CNTNAP1: variants seen among roughly 807,000 people sequenced by gnomAD.
CNTNAP1 encodes the protein contactin-associated protein 1.
A neutral mutation model predicts 161.5 loss-of-function variants in CNTNAP1; 80 were observed. That is an observed-to-expected ratio of 0.50 (90% CI 0.41 to 0.60). The LOEUF (loss-of-function observed/expected upper bound fraction) is 0.60, where lower values mean the gene tolerates loss of function less well. CNTNAP1 is among the 20% of genes least tolerant of loss of function. The pLI is 0.00. For missense variants in CNTNAP1, 1,464 were observed against 1,854.8 expected (o/e 0.79, Z 3.87); for synonymous variants, 695 against 733.1 (o/e 0.95, Z 0.84).
At position 42,691,800 on chromosome 17, in the gene CNTNAP1, T is replaced by C. The variant is rs762638505; in HGVS notation, c.2345-6T>C. The C allele has an allele frequency of 1.2e-6, 2 of 1,613,684 alleles. No individual in the cohort carries two copies. The highest frequency in any genetic ancestry group is 1.7e-6 in the Non-Finnish European group (2 of 1,179,726). ...TGACAAGACCTTCCTCCATCTGCTTTTCTAGGAAATTCCTGGAACACCATT... is the reference window on the plus strand; with the variant it reads ...TGACAAGACCTTCCTCCATCTGCTTCTCTAGGAAATTCCTGGAACACCATT... On this transcript the variant is annotated splice_polypyrimidine_tract_variant and splice_region_variant and intron_variant, in intron 15 of 23. Coordinates refer to ENST00000264638, the MANE Select transcript of CNTNAP1 (RefSeq NM_003632.3). The surrounding 1 kb of genome is among the most constrained non-coding windows in gnomAD (Gnocchi z 4.3).
At chr17:42,690,417 G>A (rs190628661) in intron 12 of CNTNAP1, among the ~76,000 whole-genome samples, 53 of 151,978 alleles carry the variant, frequency 3.5e-4, no homozygotes, top group African/African-American at 1.2e-3. Flanking sequence ...GAAGCTACTC[G>A]GGAGGTTGAG....
Position 42,697,910 on chromosome 17 carries a change from C to G in CNTNAP1, c.3822C>G (p.Pro1274=). 6.2e-7 allele frequency: 1 copy of G among 1,614,160 alleles called. No individual in the cohort carries two copies. The highest frequency in any genetic ancestry group is 8.5e-7 in the Non-Finnish European group (1 of 1,180,026). ...LDPWYLPPDF[P]YYHDEGWVAI... ...GTGCTTTCTCCTCTCCAGACTTCCC[C>G]TACTACCATGATGAAGGATGGGTTG... Residue 1274 remains proline (P), a synonymous_variant, in exon 23 of 24, where the codon CCC becomes CCG. Coordinates refer to ENST00000264638, the MANE Select transcript of CNTNAP1 (RefSeq NM_003632.3).
Position 42,685,319 on chromosome 17 carries a change from C to T in CNTNAP1, c.614C>T (p.Thr205Ile). Residue 205 changes from threonine to isoleucine, a missense_variant, in exon 5 of 24, where the codon ACC becomes ATC. Physicochemically the swap from Thr to Ile is moderately conservative, Grantham distance 89. Transcript: ENST00000264638. The surrounding 1 kb of genome is among the most constrained non-coding windows in gnomAD (Gnocchi z 5.0). ...LWDVFAFSFKTEEKDGLLLHA... is the reference protein window; with the variant it reads ...LWDVFAFSFKIEEKDGLLLHA... ...GACGTGTTCGCCTTCAGCTTCAAGA[C>T]CGAGGAGAAGGACGGTCTTCTGCTG... 1.2e-6 allele frequency: 2 copies of T among 1,612,774 alleles called. No homozygotes were observed. Among genetic ancestry groups the T allele is most frequent in the Non-Finnish European group, 1.7e-6 (2 of 1,180,020 alleles).
intron 11 of CNTNAP1, 24 bp downstream of exon 11, chr17:42,689,651 G>GT (rs1203050404): frequency 1.5e-5 from 24 of 1,591,798 alleles, no homozygotes; most frequent in Non-Finnish European, 2.1e-5. Context: ...GGTATGGGGG[G>GT]AGTCAGGGAC....
intron 18 of CNTNAP1, 30 bp from the exon 19 acceptor site, chr17:42,695,491 G>A: frequency 6.5e-7 from 1 of 1,547,198 alleles, no homozygotes. Context: ...AGCAGTGTGG[G>A]GGCCCTAACC....
rs1488627022 is a variant in CNTNAP1 at position 42,686,980 on chromosome 17, C to T, written c.978C>T (p.Asn326=). The T allele has an allele frequency of 6.2e-7, 1 of 1,614,050 alleles. No homozygotes were observed. Among genetic ancestry groups the T allele is most frequent in the South Asian group, 1.1e-5 (1 of 91,088 alleles). The change falls in exon 7 of 24, where the codon AAC becomes AAT. Residue 326 remains asparagine (N), a synonymous_variant. Coordinates refer to ENST00000264638, the MANE Select transcript of CNTNAP1 (RefSeq NM_003632.3). The part of the protein sequence containing the change: ...YRHNFRGCIE[N]VIFNRVNIAD... The stretch of plus-strand genomic sequence containing the variant: ...ATAACTTCCGCGGCTGCATAGAAAA[C>T]GTAATCTTCAACCGCGTCAACATCG...
Position 42,687,304 on chromosome 17 carries a change from G to T in CNTNAP1, c.1044+258G>T. 1.9e-6 allele frequency: 1 copy of T among 532,716 alleles called. No individual in the cohort carries two copies. Among genetic ancestry groups the T allele is most frequent in the South Asian group, 2.7e-5 (1 of 37,732 alleles). 33.0% of individuals were successfully genotyped at this position (532,716 alleles called of 1,614,324 possible). A position where few individuals can be genotyped will look rare whatever the true frequency, so the allele number is the denominator to read the frequency against. The stretch of plus-strand genomic sequence containing the variant: ...AAGTAAGGCGCAGACACAGGGAGTG[G>T]CTTGTCCAGGGGTCGTGCAGCTGCA... On this transcript the variant is annotated intron_variant, in intron 7 of 23. Coordinates refer to ENST00000264638, the MANE Select transcript of CNTNAP1 (RefSeq NM_003632.3). The surrounding 1 kb of genome is among the most constrained non-coding windows in gnomAD (Gnocchi z 4.7).
Position 42,687,112 on chromosome 17 carries a change from C to T in CNTNAP1, c.1044+66C>T, listed in dbSNP as rs992711979. 5 of 1,565,180 alleles carry T rather than the reference C, an allele frequency of 3.2e-6. No homozygotes were observed. Among genetic ancestry groups the T allele is most frequent in the Admixed American group, 3.6e-5 (2 of 55,968 alleles). On this transcript the variant is annotated intron_variant, in intron 7 of 23. Coordinates refer to ENST00000264638, the MANE Select transcript of CNTNAP1 (RefSeq NM_003632.3). The surrounding 1 kb of genome is among the most constrained non-coding windows in gnomAD (Gnocchi z 4.7). The stretch of plus-strand genomic sequence containing the variant: ...CGTCGTGGAAAGCAAAGAGGTGGAG[C>T]GGGAAGAGATATTGAACATCAGATA...
chr17:42,690,227 G>C lies in CNTNAP1; in HGVS notation c.1855+20G>C, dbSNP rs928668455. 29 of 1,613,120 alleles carry C rather than the reference G, an allele frequency of 1.8e-5. No individual in the cohort carries two copies. The highest frequency in any genetic ancestry group is 2.1e-5 in the Non-Finnish European group (25 of 1,179,438). ...TCCGAGGTAAGTGTCTCTGTTGGGT[G>C]GTGAGGGGGTGAGGGGAGAACCAGG... On this transcript the variant is annotated intron_variant, in intron 12 of 23. Transcript: ENST00000264638.
At chr17:42,696,324 ATTT>A (rs36083265) in intron 20 of CNTNAP1, among the ~76,000 whole-genome samples, 172 bp downstream of exon 20, 9 of 127,556 alleles carry the variant, frequency 7.1e-5, no homozygotes, top group Non-Finnish European at 6.8e-5. Context: ...GACAATAGGC[ATTT>A]TTTTTTTTTT....
chr17:42,698,669 A>C lies in CNTNAP1; in HGVS notation c.3914A>C (p.Tyr1305Ser), dbSNP rs2053185180. Residue 1305 changes from tyrosine to serine, a missense_variant, in exon 24 of 24, where the codon TAT (tyrosine) becomes TCT (serine). This residue lies in a region of CNTNAP1 where 1,383 missense variants were observed against 1,765.0 expected (regional missense o/e 0.78). Coordinates refer to ENST00000264638, the MANE Select transcript of CNTNAP1 (RefSeq NM_003632.3). ...CTGGTGGGAATGTTGGTGCTCTTCT[A>C]TCTGCAAAATCATCGCTATAAGGGC... ...LGLVGMLVLF[Y>S]LQNHRYKGSY... The C allele has an allele frequency of 2.5e-6, 4 of 1,608,890 alleles. No individual in the cohort carries two copies. The highest frequency in any genetic ancestry group is 1.3e-5 in the African/African-American group (1 of 74,454).
chr17:42,686,963 C>G lies in CNTNAP1; in HGVS notation c.961C>G (p.Arg321Gly). The change falls in exon 7 of 24, where the codon CGC becomes GGC. Residue 321 changes from arginine (R) to glycine (G), a missense_variant. This residue lies in a region of CNTNAP1 where 1,383 missense variants were observed against 1,765.0 expected (regional missense o/e 0.78). Transcript: ENST00000264638. Reference sequence around the variant, plus strand: ...GAACCTGGCCTATCGGCATAACTTCCGCGGCTGCATAGAAAACGTAATCTT... The same window carrying G: ...GAACCTGGCCTATCGGCATAACTTCGGCGGCTGCATAGAAAACGTAATCTT... ...RKNLAYRHNF[R>G]GCIENVIFNR... The G allele has an allele frequency of 6.2e-7, 1 of 1,613,946 alleles. No homozygotes were observed. The highest frequency in any genetic ancestry group is 8.5e-7 in the Non-Finnish European group (1 of 1,179,922).
In CNTNAP1 at chr17:42,687,310, C is replaced by T. The variant is rs2053030491; in HGVS notation, c.1044+264C>T. 1.9e-6 allele frequency: 1 copy of T among 524,314 alleles called. No homozygotes were observed. Among genetic ancestry groups the T allele is most frequent in the Middle Eastern group, 5.1e-4 (1 of 1,966 alleles). 32.5% of individuals were successfully genotyped at this position (524,314 alleles called of 1,614,324 possible). A position where few individuals can be genotyped will look rare whatever the true frequency, so the allele number is the denominator to read the frequency against. Reference sequence around the variant, plus strand: ...GGCGCAGACACAGGGAGTGGCTTGTCCAGGGGTCGTGCAGCTGCACGGTGG... The same window carrying T: ...GGCGCAGACACAGGGAGTGGCTTGTTCAGGGGTCGTGCAGCTGCACGGTGG... On this transcript the variant is annotated intron_variant, in intron 7 of 23. Coordinates refer to ENST00000264638, the MANE Select transcript of CNTNAP1 (RefSeq NM_003632.3). The surrounding 1 kb of genome is among the most constrained non-coding windows in gnomAD (Gnocchi z 4.7).
chr17:42,691,609 C>G lies in CNTNAP1; in HGVS notation c.2344+98C>G. ...ACTGGTGGTCTCTAGCTGGGGTGCC[C>G]GACCCCCAGCTCCTGCTGTGATGCG... On this transcript the variant is annotated intron_variant, in intron 15 of 23. Coordinates refer to ENST00000264638, the MANE Select transcript of CNTNAP1 (RefSeq NM_003632.3). The surrounding 1 kb of genome is among the most constrained non-coding windows in gnomAD (Gnocchi z 4.3). 6.6e-7 allele frequency: 1 copy of G among 1,521,388 alleles called. No individual in the cohort carries two copies. Among genetic ancestry groups the G allele is most frequent in the Non-Finnish European group, 9.0e-7 (1 of 1,116,476 alleles). The allele number at this position is 1,521,388 out of a possible 1,614,324, so 94.2% of individuals were successfully genotyped here. A position where few individuals can be genotyped will look rare whatever the true frequency, so the allele number is the denominator to read the frequency against.
chr17:42,688,470 C>A lies in CNTNAP1; in HGVS notation c.1315C>A (p.Leu439Met), dbSNP rs1476117309. 1 of 1,614,236 alleles carries A rather than the reference C, an allele frequency of 6.2e-7. No homozygotes were observed. Among genetic ancestry groups the A allele is most frequent in the Non-Finnish European group, 8.5e-7 (1 of 1,180,044 alleles). Residue 439 changes from leucine (L) to methionine (M), a missense_variant, in exon 9 of 24, where the codon CTG (leucine) becomes ATG (methionine). Transcript: ENST00000264638. ...KKLQFAAGYR[L>M]NDGFWHEVNF... is the part of the protein sequence containing the mutation. ...CATCCATTCTTGTCCAGGGTACCGA[C>A]TGAATGACGGCTTTTGGCACGAGGT...
chr17:42,690,180 C>T lies in CNTNAP1; in HGVS notation c.1828C>T (p.Pro610Ser). The part of the protein sequence containing the change: ...IDPDGSGPLK[P>S]FVVYCDIREN... ...TCCTGATGGCAGTGGCCCCCTGAAGCCATTTGTAGTGTACTGTGATATCCG... is the reference window on the plus strand; with the variant it reads ...TCCTGATGGCAGTGGCCCCCTGAAGTCATTTGTAGTGTACTGTGATATCCG... Residue 610 changes from proline to serine, a missense_variant, in exon 12 of 24, where the codon CCA becomes TCA. Physicochemically the swap from Pro to Ser is moderately conservative, Grantham distance 74. Transcript: ENST00000264638. 6.2e-7 allele frequency: 1 copy of T among 1,613,948 alleles called. No homozygotes were observed. Among genetic ancestry groups the T allele is most frequent in the East Asian group, 2.2e-5 (1 of 44,882 alleles).
chr17:42,696,060 C>A lies in CNTNAP1; in HGVS notation c.3382C>A (p.Pro1128Thr). 1 of 1,614,172 alleles carries A rather than the reference C, an allele frequency of 6.2e-7. No homozygotes were observed. Among genetic ancestry groups the A allele is most frequent in the South Asian group, 1.1e-5 (1 of 91,080 alleles). Residue 1128 changes from proline (P) to threonine (T), a missense_variant, in exon 20 of 24, where the codon CCC becomes ACC. By Grantham distance (38) the Pro-to-Thr change is conservative. Around this residue, in one of 3 missense-constraint regions of CNTNAP1, gnomAD observed 1,383 missense variants for 1,765.0 expected, o/e 0.78. Coordinates refer to ENST00000264638, the MANE Select transcript of CNTNAP1 (RefSeq NM_003632.3). ...GCTGCGATATCAGCTGGGCACCAGTCCCTACGTGTACCAGCTAACCACTCG... is the reference window on the plus strand; with the variant it reads ...GCTGCGATATCAGCTGGGCACCAGTACCTACGTGTACCAGCTAACCACTCG... ...LQLRYQLGTS[P>T]YVYQLTTRPV...
chr17:42,694,988 A>C (rs2053134765), intron 18 of CNTNAP1, among the ~76,000 whole-genome samples: 1 of 152,124 alleles, frequency 6.6e-6, no homozygotes, highest in African/African-American at 2.4e-5. Flanking sequence ...CCCATCACCC[A>C]GGCTGGAGTG....
Position 42,682,669 on chromosome 17 carries a change from A to T in CNTNAP1, c.-161A>T. ...GAGAGAGAAAAGAGAGAGGAGAGACAGAGCGCTTGGGGGCGAAAGGAGAGA... is the reference window on the plus strand; with the variant it reads ...GAGAGAGAAAAGAGAGAGGAGAGACTGAGCGCTTGGGGGCGAAAGGAGAGA... On this transcript the variant is annotated 5_prime_UTR_variant, in exon 1 of 24. Transcript: ENST00000264638. The T allele has an allele frequency of 1.5e-6, 1 of 664,868 alleles. No individual in the cohort carries two copies. The highest frequency in any genetic ancestry group is 1.7e-5 in the South Asian group (1 of 57,892). The allele number at this position is 664,868 out of a possible 1,614,324, so 41.2% of individuals were successfully genotyped here.
Sources: allele counts gnomAD v4.1 joint callset (sites outside exome capture counted in the v4.1 genomes callset), GRCh38; gene constraint gnomAD v4.1.1; regional missense constraint gnomAD v4.1.1; non-coding constraint Gnocchi (gnomAD v3.1); transcripts MANE v1.5; gene names NCBI Gene and HGNC (gene_info 2026-07-23, HGNC 2026-07-21).